ARHGAP26: variants seen among roughly 807,000 people sequenced by gnomAD.
The protein encoded by ARHGAP26 is rho GTPase-activating protein 26.
ARHGAP26 carries 38 observed loss-of-function variants against 104.8 expected under a neutral mutation model. That is an observed-to-expected ratio of 0.36 (90% CI 0.28 to 0.48). ARHGAP26 has a LOEUF of 0.48. Ranked by LOEUF, ARHGAP26 falls within the 20% of genes least tolerant of loss-of-function variation. ARHGAP26 has a pLI of 0.99. For synonymous variants in ARHGAP26, 341 were observed against 340.0 expected (o/e 1.00, Z -0.03); for missense variants, 704 against 947.9 (o/e 0.74, Z 3.38).
chr5:143,132,190 G>T (rs1418568516), intron 18 of ARHGAP26, among the ~76,000 whole-genome samples: 1 of 152,082 alleles, frequency 6.6e-6, no homozygotes, highest in Non-Finnish European at 1.5e-5. Flanking sequence ...TAACCAGCTG[G>T]CTGGCATCAT....
intron 21 of ARHGAP26, among the ~76,000 whole-genome samples, chr5:143,209,111 C>T (rs1338818481): frequency 6.6e-6 from 1 of 152,110 alleles, no homozygotes; most frequent in Non-Finnish European, 1.5e-5. Context: ...TAAAAATCTT[C>T]AAAATATTGG....
chr5:142,846,713 A>G (rs1386078989), intron 1 of ARHGAP26, among the ~76,000 whole-genome samples: 2 of 152,176 alleles, frequency 1.3e-5, no homozygotes, highest in Non-Finnish European at 2.9e-5. Context: ...GAATCTATAT[A>G]TAGGATGTTG....
chr5:142,913,227 C>A lies in ARHGAP26; in HGVS notation c.962C>A (p.Ser321Tyr), dbSNP rs1762066011. 1.2e-6 allele frequency: 2 copies of A among 1,614,154 alleles called. No homozygotes were observed. Among genetic ancestry groups the A allele is most frequent in the Non-Finnish European group, 1.7e-6 (2 of 1,180,006 alleles). The change falls in exon 10 of 23, where the codon TCC becomes TAC. Residue 321 changes from serine to tyrosine, a missense_variant. Ser to Tyr is a moderately radical substitution (Grantham distance 144, BLOSUM62 -2). Transcript: ENST00000645722. Reference protein sequence around the residue: ...GGEDESVILKSCTRRKTDSIE... With the variant: ...GGEDESVILKYCTRRKTDSIE... Reference sequence around the variant, plus strand: ...GAAGATGAATCAGTTATCCTCAAATCCTGCACACGGCGGAAAACAGACTCC... The same window carrying A: ...GAAGATGAATCAGTTATCCTCAAATACTGCACACGGCGGAAAACAGACTCC...
At chr5:143,150,473 T>C (rs1480522078) in intron 20 of ARHGAP26, among the ~76,000 whole-genome samples, 1 of 152,098 alleles carries the variant, frequency 6.6e-6, no homozygotes, top group African/African-American at 2.4e-5. Flanking sequence ...GTCGGGTAGA[T>C]GGAGTGTGAG....
intron 14 of ARHGAP26, among the ~76,000 whole-genome samples, chr5:143,048,213 G>A (rs913868425): frequency 6.6e-6 from 1 of 152,030 alleles, no homozygotes; most frequent in African/African-American, 2.4e-5. Flanking sequence ...AATATGTTTT[G>A]TAAGATTATT....
At chr5:143,049,717 G>C (rs183636) in intron 14 of ARHGAP26, among the ~76,000 whole-genome samples, 115,879 of 152,072 alleles carry the variant, frequency 0.76, 44,351 homozygotes, top group East Asian at 0.83. Context: ...GATTGGAGGG[G>C]TATTGTACAT....
chr5:142,930,783 C>T (rs927172085), intron 10 of ARHGAP26, among the ~76,000 whole-genome samples: 34 of 151,958 alleles, frequency 2.2e-4, no homozygotes, highest in African/African-American at 7.3e-4. Context: ...AAGGGGATGT[C>T]AAGGAATGGT....
chr5:142,807,462 C>A (rs1343710498), intron 1 of ARHGAP26, among the ~76,000 whole-genome samples: 1 of 152,172 alleles, frequency 6.6e-6, no homozygotes, highest in African/African-American at 2.4e-5. Flanking sequence ...AGCTGTGCTG[C>A]TGAGGTCTTG....
At chr5:142,820,276 C>T (rs1039966742) in intron 1 of ARHGAP26, among the ~76,000 whole-genome samples, 1 of 151,998 alleles carries the variant, frequency 6.6e-6, no homozygotes, top group Non-Finnish European at 1.5e-5. Context: ...GATTGTTGTG[C>T]GGTGGTTAAA....
chr5:142,839,840 C>A (rs1377216188), intron 1 of ARHGAP26, among the ~76,000 whole-genome samples: 1 of 132,358 alleles, frequency 7.6e-6, no homozygotes, highest in African/African-American at 2.8e-5. Flanking sequence ...GACTGGAGAC[C>A]TTGGGGAAAT....
chr5:142,870,015 G>T (rs1598008621), intron 1 of ARHGAP26, among the ~76,000 whole-genome samples: 1 of 152,208 alleles, frequency 6.6e-6, no homozygotes, highest in East Asian at 1.9e-4. Flanking sequence ...GATGCCGGCA[G>T]TTATGACTTC....
chr5:143,014,953 C>T (rs1250010267), intron 12 of ARHGAP26, among the ~76,000 whole-genome samples: 1 of 152,184 alleles, frequency 6.6e-6, no homozygotes, highest in East Asian at 1.9e-4. Context: ...TAGAACAGTG[C>T]CTCTCCATGT....
intron 1 of ARHGAP26, among the ~76,000 whole-genome samples, chr5:142,865,190 G>A (rs1427899740): frequency 6.6e-6 from 1 of 152,140 alleles, no homozygotes; most frequent in Non-Finnish European, 1.5e-5. Flanking sequence ...GCTCTTTAGG[G>A]GTTGAGTTTT....
chr5:143,050,052 TG>T (rs994438087), intron 14 of ARHGAP26, among the ~76,000 whole-genome samples: 4 of 152,172 alleles, frequency 2.6e-5, no homozygotes, highest in Non-Finnish European at 4.4e-5. Context: ...GGAGTGGGGT[TG>T]GGGGGTTGCA....
At chr5:142,883,253 A>G (rs1757257008) in intron 4 of ARHGAP26, among the ~76,000 whole-genome samples, 1 of 152,184 alleles carries the variant, frequency 6.6e-6, no homozygotes, top group South Asian at 2.1e-4. Context: ...GTCTGGGACC[A>G]GGATTCTCCT....
At chr5:142,915,835 G>A (rs1451964725) in intron 10 of ARHGAP26, among the ~76,000 whole-genome samples, 3 of 152,072 alleles carry the variant, frequency 2.0e-5, no homozygotes, top group African/African-American at 4.8e-5. Context: ...AAGGGAGTCC[G>A]GGTAGAGAAG....
intron 16 of ARHGAP26, among the ~76,000 whole-genome samples, chr5:143,057,221 T>C (rs1268445460): frequency 1.3e-5 from 2 of 152,206 alleles, no homozygotes; most frequent in Non-Finnish European, 2.9e-5. Context: ...CAAGGTGTTA[T>C]TTTGATATTT....
chr5:142,779,390 A>G (rs1024166946), intron 1 of ARHGAP26, among the ~76,000 whole-genome samples: 5 of 151,618 alleles, frequency 3.3e-5, no homozygotes, highest in African/African-American at 1.2e-4. Flanking sequence ...GTTTCCTGCT[A>G]TATTTAGAAA....
intron 11 of ARHGAP26, among the ~76,000 whole-genome samples, chr5:143,013,408 G>C (rs1281361025): frequency 1.3e-5 from 2 of 152,006 alleles, no homozygotes; most frequent in Non-Finnish European, 2.9e-5. Context: ...CTTTTATATT[G>C]GGCATTTTCT....
Sources: allele counts gnomAD v4.1 joint callset (sites outside exome capture counted in the v4.1 genomes callset), GRCh38; gene constraint gnomAD v4.1.1; transcripts MANE v1.5; gene names NCBI Gene and HGNC (gene_info 2026-07-23, HGNC 2026-07-21).